Variants in ACBD5 observed in about 807,000 individuals in gnomAD.
ACBD5 encodes acyl-CoA-binding domain-containing protein 5.
ACBD5 carries 40 observed loss-of-function variants against 71.8 expected under a neutral mutation model. The ratio of observed to expected loss-of-function variants is 0.56; its 90% CI spans 0.43 to 0.72. The LOEUF is 0.72. Ranked by LOEUF, ACBD5 falls within the 30% of genes least tolerant of loss-of-function variation. ACBD5 has a pLI of 0.00. For missense variants in ACBD5, 559 were observed against 644.5 expected (o/e 0.87, Z 1.44); for synonymous variants, 229 against 218.6 (o/e 1.05, Z -0.42).
At chr10:27,202,472 G>A (rs903657737) in intron 12 of ACBD5, among the ~76,000 whole-genome samples, 3 of 152,006 alleles carry the variant, frequency 2.0e-5, no homozygotes, top group Non-Finnish European at 4.4e-5. Context: ...CAGCTAAAAG[G>A]GATATTTAGG....
At chr10:27,200,304 A>G (rs2059785447) in intron 12 of ACBD5, among the ~76,000 whole-genome samples, 1 of 152,322 alleles carries the variant, frequency 6.6e-6, no homozygotes, top group African/African-American at 2.4e-5. Flanking sequence ...GCGCCATGAC[A>G]GTTTACAAAT....
chr10:27,191,036 AATGGT>A (rs896271177), downstream of ACBD5, among the ~76,000 whole-genome samples: 1 of 152,214 alleles, frequency 6.6e-6, no homozygotes, highest in African/African-American at 2.4e-5. Flanking sequence ...TCCAAATAAA[AATGGT>A]ATGTCTGCAA....
chr10:27,195,848 T>G lies in ACBD5; in HGVS notation c.*1582A>C. The G allele has an allele frequency of 4.5e-6, 2 of 448,350 alleles. No homozygotes were observed. Among genetic ancestry groups the G allele is most frequent in the South Asian group, 3.2e-5 (2 of 62,976 alleles). 27.8% of individuals were successfully genotyped at this position (448,350 alleles called of 1,614,324 possible). A position where few individuals can be genotyped will look rare whatever the true frequency, so the allele number is the denominator to read the frequency against. On this transcript the variant is annotated 3_prime_UTR_variant, in exon 13 of 13. Transcript: ENST00000396271. Reference sequence around the variant, plus strand: ...TACTAAAGACAGATTATTTCTTATTTAAAACACTGTGAACATATGATGTTA... The same window carrying G: ...TACTAAAGACAGATTATTTCTTATTGAAAACACTGTGAACATATGATGTTA...
intron 4 of ACBD5, among the ~76,000 whole-genome samples, chr10:27,226,487 C>CA (rs2063041683): frequency 6.9e-6 from 1 of 144,770 alleles, no homozygotes; most frequent in African/African-American, 2.5e-5. Flanking sequence ...CACACACACA[C>CA]AAGCAGACAC....
intron 10 of ACBD5, among the ~76,000 whole-genome samples, chr10:27,205,855 C>T (rs1170510475): frequency 6.6e-6 from 1 of 151,926 alleles, no homozygotes; most frequent in African/African-American, 2.4e-5. Context: ...ATGAGTCATC[C>T]AAGTGAATTA....
chr10:27,219,878 T>TTA, intron 5 of ACBD5, 21 bp from the exon 6 acceptor site: 1 of 1,612,126 alleles, frequency 6.2e-7, no homozygotes, highest in Non-Finnish European at 8.5e-7. Context: ...AAATGACCAC[T>TTA]TACTCACAAT....
chr10:27,226,267 C>T (rs1003384284), intron 4 of ACBD5, among the ~76,000 whole-genome samples: 3 of 152,022 alleles, frequency 2.0e-5, no homozygotes, highest in East Asian at 1.9e-4. Context: ...ACAGTAAACA[C>T]AGTACCCAAT....
At chr10:27,211,749 A>C (rs570514504) in intron 8 of ACBD5, among the ~76,000 whole-genome samples, 32 of 152,348 alleles carry the variant, frequency 2.1e-4, no homozygotes, top group African/African-American at 7.7e-4. Context: ...AGGAATAAAG[A>C]ATGGCTACTG....
At chr10:27,227,009 ATTTTT>A (rs56406048) in intron 4 of ACBD5, among the ~76,000 whole-genome samples, 1,280 of 78,416 alleles carry the variant, frequency 0.016, 13 homozygotes, top group Middle Eastern at 0.024. Flanking sequence ...TTTTTTTGCG[ATTTTT>A]TTTTTTTTTT....
At chr10:27,202,054 T>C (rs2059980355) in intron 12 of ACBD5, among the ~76,000 whole-genome samples, 1 of 152,096 alleles carries the variant, frequency 6.6e-6, no homozygotes, top group Non-Finnish European at 1.5e-5. Flanking sequence ...TGCCCACACT[T>C]TCCCCATCCT....
chr10:27,195,883 T>A lies in ACBD5; in HGVS notation c.*1547A>T, dbSNP rs1158548681. On this transcript the variant is annotated 3_prime_UTR_variant, in exon 13 of 13. Coordinates refer to ENST00000396271, the MANE Select transcript of ACBD5 (RefSeq NM_145698.5). The stretch of plus-strand genomic sequence containing the variant: ...TGAACATATGATGTTAAACCCAACA[T>A]CATACATCTTGAGAATGCTTAAAAA... 2 of 453,526 alleles carry A rather than the reference T, an allele frequency of 4.4e-6. No individual in the cohort carries two copies. Among genetic ancestry groups the A allele is most frequent in the South Asian group, 1.6e-5 (1 of 64,364 alleles). The allele number at this position is 453,526 out of a possible 1,614,324, so 28.1% of individuals were successfully genotyped here. A position where few individuals can be genotyped will look rare whatever the true frequency, so the allele number is the denominator to read the frequency against.
intron 13 of ACBD5, among the ~76,000 whole-genome samples, chr10:27,184,554 A>ATTTTTTTTTTTTTTTTTTTTTT (rs752147433): frequency 1.2e-5 from 1 of 84,848 alleles, no homozygotes; most frequent in Non-Finnish European, 2.1e-5. Flanking sequence ...TATAAGAAGG[A>ATTTTTTTTTTTTTTTTTTTTTT]TTTTTTTTTT....
chr10:27,235,074 C>T lies in ACBD5; in HGVS notation c.302+18G>A, dbSNP rs1311553058. The T allele has an allele frequency of 6.2e-7, 1 of 1,612,132 alleles. No homozygotes were observed. The highest frequency in any genetic ancestry group is 1.1e-5 in the South Asian group (1 of 90,986). ...CATTAAAATTTAAATTCTTGCATAG[C>T]TCTACACAAAAAATTACCATTTATA... is the stretch of plus-strand genomic sequence containing the variant. On this transcript the variant is annotated intron_variant, in intron 3 of 12. Coordinates refer to ENST00000396271, the MANE Select transcript of ACBD5 (RefSeq NM_145698.5).
At chr10:27,218,761 T>A (rs895537233) in intron 6 of ACBD5, among the ~76,000 whole-genome samples, 4 of 151,954 alleles carry the variant, frequency 2.6e-5, no homozygotes, top group Non-Finnish European at 4.4e-5. Context: ...AATTTTTGTA[T>A]TTTTAGTAGA....
At chr10:27,231,714 A>G (rs1353760332) in intron 4 of ACBD5, 34 bp downstream of exon 4, 1 of 1,598,178 alleles carries the variant, frequency 6.3e-7, no homozygotes. Context: ...AGCTGCTCTG[A>G]ATTTTCATTT....
chr10:27,217,404 C>T lies in ACBD5; in HGVS notation c.829+576G>A, dbSNP rs191149552. Among the ~76,000 whole-genome samples, 795 of 145,894 alleles carry T rather than the reference C, an allele frequency of 5.4e-3. 9 individuals are homozygous for T. Among genetic ancestry groups the T allele is most frequent in the Non-Finnish European group, 4.8e-3 (321 of 66,794 alleles). On this transcript the variant is annotated intron_variant, in intron 7 of 12. Coordinates refer to ENST00000396271, the MANE Select transcript of ACBD5 (RefSeq NM_145698.5). ...CCAGGGGGCAGAGGTTGCAGTGAGC[C>T]GAGATTGCGCCACTGCACTCCAGCC...
intron 4 of ACBD5, among the ~76,000 whole-genome samples, chr10:27,226,487 CAAGCAG>C (rs2063042433): frequency 1.4e-5 from 2 of 144,766 alleles, no homozygotes; most frequent in African/African-American, 2.5e-5. Context: ...CACACACACA[CAAGCAG>C]ACACAGGCAA....
At position 27,196,808 on chromosome 10, in the gene ACBD5, T is replaced by A. The variant is rs1284457813; in HGVS notation, c.*622A>T. The A allele has an allele frequency of 4.4e-6, 2 of 454,154 alleles. No homozygotes were observed. The highest frequency in any genetic ancestry group is 8.8e-6 in the Non-Finnish European group (2 of 226,784). 28.1% of individuals were successfully genotyped at this position (454,154 alleles called of 1,614,324 possible). A position where few individuals can be genotyped will look rare whatever the true frequency, so the allele number is the denominator to read the frequency against. ...CTGCAAATCATTTGTAAAAACTCAG[T>A]CTGGTACATAGGACTCCACTTTTTA... On this transcript the variant is annotated 3_prime_UTR_variant, in exon 13 of 13. Transcript: ENST00000396271.
intron 4 of ACBD5, among the ~76,000 whole-genome samples, chr10:27,226,823 T>G (rs2063101986): frequency 6.6e-6 from 1 of 151,318 alleles, no homozygotes; most frequent in Admixed American, 6.6e-5. Context: ...AGCTAACTTT[T>G]TTGTATTTTT....
Sources: gnomAD v4.1 joint callset for allele counts (sites outside exome capture counted in the v4.1 genomes callset) on GRCh38, gnomAD v4.1.1 for gene constraint, MANE v1.5 for transcripts, NCBI Gene and HGNC (gene_info 2026-07-23, HGNC 2026-07-21) for gene names.